Variants in RASAL2 observed in about 807,000 individuals in gnomAD.
RASAL2 encodes RAS protein activator like 2.
A neutral mutation model predicts 128.9 loss-of-function variants in RASAL2; 58 were observed. The ratio of observed to expected loss-of-function variants is 0.45; its 90% confidence interval spans 0.36 to 0.56. The LOEUF is 0.56. RASAL2 is among the 20% of genes least tolerant of loss of function. The pLI is 0.00. For missense variants in RASAL2, 1,360 were observed against 1,601.6 expected, an observed-to-expected ratio of 0.85 and a Z score of 2.57; for synonymous variants, 561 against 580.8, an observed-to-expected ratio of 0.97 and a Z score of 0.49.
intron 1 of RASAL2, among the ~76,000 whole-genome samples, chr1:178,132,208 T>A (rs1660146173): frequency 6.7e-6 from 1 of 150,240 alleles, no homozygotes; most frequent in African/African-American, 2.4e-5. Context: ...GCCTGGCTAA[T>A]TTAAAAAATT....
At chr1:178,304,254 T>G (rs1370230864) in intron 3 of RASAL2, among the ~76,000 whole-genome samples, 1 of 152,168 alleles carries the variant, frequency 6.6e-6, no homozygotes, top group Non-Finnish European at 1.5e-5. Context: ...CCAGGTGTGA[T>G]GGCTCACACC....
intron 1 of RASAL2, among the ~76,000 whole-genome samples, chr1:178,248,860 A>G (rs753181812): frequency 4.6e-5 from 7 of 152,154 alleles, no homozygotes; most frequent in African/African-American, 7.2e-5. Context: ...AATGTTGACT[A>G]TTGGCCCCCA....
intron 14 of RASAL2, among the ~76,000 whole-genome samples, chr1:178,461,255 C>T (rs966727151): frequency 6.6e-5 from 10 of 152,190 alleles, no homozygotes; most frequent in African/African-American, 2.2e-4. Flanking sequence ...GGAATTCTCT[C>T]CCAGAAACTA....
intron 3 of RASAL2, among the ~76,000 whole-genome samples, chr1:178,334,209 T>C (rs1229029708): frequency 1.3e-5 from 2 of 152,248 alleles, no homozygotes; most frequent in Non-Finnish European, 2.9e-5. Context: ...AGGGAATTTT[T>C]AACCTCTTGA....
At chr1:178,197,270 A>C (rs1662689924) in intron 1 of RASAL2, among the ~76,000 whole-genome samples, 1 of 152,188 alleles carries the variant, frequency 6.6e-6, no homozygotes, top group Admixed American at 6.5e-5. Flanking sequence ...AGCCTGACCA[A>C]CATGGTGAAA....
chr1:178,226,114 G>A (rs531635568), intron 1 of RASAL2, among the ~76,000 whole-genome samples: 8 of 152,278 alleles, frequency 5.3e-5, no homozygotes, highest in East Asian at 3.9e-4. Context: ...AATTCGGTCC[G>A]TGGACCAGTA....
intron 5 of RASAL2, among the ~76,000 whole-genome samples, chr1:178,426,294 G>C (rs190684528): frequency 3.3e-4 from 50 of 152,138 alleles, no homozygotes; most frequent in Non-Finnish European, 5.4e-4. Flanking sequence ...TGATATACCC[G>C]TACAATAGAA....
At chr1:178,455,535 T>C (rs952751159) in intron 12 of RASAL2, among the ~76,000 whole-genome samples, 1 of 152,246 alleles carries the variant, frequency 6.6e-6, no homozygotes, top group Non-Finnish European at 1.5e-5. Flanking sequence ...AGGAAACATA[T>C]GTGGTAATGT....
chr1:178,457,880 A>G lies in RASAL2; in HGVS notation c.2588A>G (p.His863Arg). Residue 863 changes from histidine to arginine, a missense_variant, in exon 14 of 18, where the codon CAT becomes CGT. This residue lies in a region of RASAL2 where 741 missense variants were observed against 868.6 expected (regional missense o/e 0.85). Transcript: ENST00000367649. ...GACACTCATGCTGCTCAAGTGGAGC[A>G]TGCATCTGTCATGCTTGATGTGCCT... ...LQDTHAAQVE[H>R]ASVMLDVPIR... 4 of 1,614,210 alleles carry G rather than the reference A, an allele frequency of 2.5e-6. No individual in the cohort carries two copies. Among genetic ancestry groups the G allele is most frequent in the South Asian group, 1.1e-5 (1 of 91,080 alleles).
chr1:178,244,393 C>T (rs1378221469), intron 1 of RASAL2, among the ~76,000 whole-genome samples: 1 of 152,138 alleles, frequency 6.6e-6, no homozygotes, highest in Non-Finnish European at 1.5e-5. Flanking sequence ...CAGGCGCGTG[C>T]CACCACGCCC....
intron 1 of RASAL2, among the ~76,000 whole-genome samples, chr1:178,263,440 C>T (rs753757874): frequency 6.6e-6 from 1 of 152,150 alleles, no homozygotes; most frequent in Non-Finnish European, 1.5e-5. Flanking sequence ...AGTCACATGG[C>T]TGGCAAGTGA....
At chr1:178,291,049 A>C (rs1422045933) in intron 2 of RASAL2, among the ~76,000 whole-genome samples, 2 of 151,980 alleles carry the variant, frequency 1.3e-5, no homozygotes, top group Admixed American at 1.3e-4. Context: ...TATAGTATGG[A>C]GTGGAGAATG....
chr1:178,210,284 G>A lies in RASAL2; in HGVS notation c.203-73280G>A, dbSNP rs75978833. Among the ~76,000 whole-genome samples, 1,245 of 151,956 alleles carry A rather than the reference G, an allele frequency of 8.2e-3. 31 individuals are homozygous for A. Among genetic ancestry groups the A allele is most frequent in the East Asian group, 0.063 (327 of 5,172 alleles). On this transcript the variant is annotated intron_variant, in intron 1 of 17. Coordinates refer to ENST00000367649, the MANE Select transcript of RASAL2 (RefSeq NM_170692.4). Reference sequence around the variant, plus strand: ...GCTTGGATTTATTGTCTTATATATTGTAAACATATAATTATATTGACCTGG... The same window carrying A: ...GCTTGGATTTATTGTCTTATATATTATAAACATATAATTATATTGACCTGG...
At chr1:178,137,721 C>T (rs1380633297) in intron 1 of RASAL2, among the ~76,000 whole-genome samples, 2 of 152,194 alleles carry the variant, frequency 1.3e-5, no homozygotes, top group African/African-American at 4.8e-5. Flanking sequence ...AAGAAAGCCT[C>T]AGATGCTTAC....
At chr1:178,439,209 AGTGT>A (rs1557989615) in intron 5 of RASAL2, among the ~76,000 whole-genome samples, 1 of 152,056 alleles carries the variant, frequency 6.6e-6, no homozygotes, top group Non-Finnish European at 1.5e-5. Flanking sequence ...ATTGAAAAAA[AGTGT>A]GTGTGCACTC....
At chr1:178,154,980 C>T (rs1248893591) in intron 1 of RASAL2, among the ~76,000 whole-genome samples, 6 of 152,160 alleles carry the variant, frequency 3.9e-5, no homozygotes, top group South Asian at 2.1e-4. Context: ...TGTGCCACCA[C>T]GCCCAGCTAA....
At chr1:178,312,346 T>TA (rs1361615917) in intron 3 of RASAL2, among the ~76,000 whole-genome samples, 1 of 152,150 alleles carries the variant, frequency 6.6e-6, no homozygotes, top group Non-Finnish European at 1.5e-5. Flanking sequence ...GCTGCGGACT[T>TA]ACAATAAGCA....
intron 4 of RASAL2, among the ~76,000 whole-genome samples, chr1:178,406,507 A>G (rs948980737): frequency 2.0e-5 from 3 of 152,218 alleles, no homozygotes; most frequent in African/African-American, 7.2e-5. Flanking sequence ...TTGGTACAGC[A>G]TACATTTATC....
At chr1:178,152,433 G>A (rs1483856913) in intron 1 of RASAL2, among the ~76,000 whole-genome samples, 1 of 152,138 alleles carries the variant, frequency 6.6e-6, no homozygotes, top group Non-Finnish European at 1.5e-5. Context: ...AATATGAAGA[G>A]GTTGTTGTGG....
Sources: allele counts gnomAD v4.1 joint callset (sites outside exome capture counted in the v4.1 genomes callset), GRCh38; gene constraint gnomAD v4.1.1; regional missense constraint gnomAD v4.1.1; transcripts MANE v1.5; gene names NCBI Gene and HGNC (gene_info 2026-07-23, HGNC 2026-07-21).